The following BMPER variants were observed in gnomAD, a reference collection of about 807,000 sequenced individuals.
BMPER encodes the protein BMP binding endothelial regulator.
BMPER carries 45 observed loss-of-function variants against 87.3 expected under a neutral mutation model. The ratio of observed to expected loss-of-function variants is 0.52; its 90% CI spans 0.41 to 0.66. BMPER has a LOEUF of 0.66. BMPER is among the 30% of genes least tolerant of loss of function. BMPER has a pLI of 0.00. For missense variants in BMPER, 784 were observed against 867.5 expected (o/e 0.90, Z 1.21); for synonymous variants, 326 against 316.2 (o/e 1.03, Z -0.33).
chr7:34,076,833 C>A (rs533393360), intron 11 of BMPER, among the ~76,000 whole-genome samples: 1 of 152,256 alleles, frequency 6.6e-6, no homozygotes, highest in South Asian at 2.1e-4. Flanking sequence ...CTGCTCCCCA[C>A]TGAGAGAGGA....
At chr7:33,973,455 G>A (rs943710089) in intron 5 of BMPER, among the ~76,000 whole-genome samples, 21 of 152,192 alleles carry the variant, frequency 1.4e-4, no homozygotes, top group Admixed American at 8.5e-4. Flanking sequence ...TTAAACCACG[G>A]TTTCACTTGG....
At chr7:34,028,482 TA>T (rs1422173315) in intron 6 of BMPER, among the ~76,000 whole-genome samples, 2 of 151,472 alleles carry the variant, frequency 1.3e-5, no homozygotes, top group African/African-American at 4.8e-5. Context: ...TTTAAGAGAG[TA>T]AAGGGATCCT....
chr7:34,085,658 GAC>G (rs1417412715), intron 12 of BMPER, 96 bp from the exon 13 acceptor site: 7 of 1,163,824 alleles, frequency 6.0e-6, no homozygotes, highest in Non-Finnish European at 8.8e-6. Flanking sequence ...CTTATTGGAG[GAC>G]AGTCAGTCAT....
At chr7:34,026,457 C>A (rs778265969) in intron 6 of BMPER, among the ~76,000 whole-genome samples, 1 of 152,056 alleles carries the variant, frequency 6.6e-6, no homozygotes, top group Admixed American at 6.6e-5. Context: ...GACCTCTAAG[C>A]AAGCAGCTGA....
chr7:33,988,627 A>T (rs111733019), intron 6 of BMPER, among the ~76,000 whole-genome samples: 46,365 of 151,678 alleles, frequency 0.31, 7,516 homozygotes, highest in African/African-American at 0.39. Context: ...TTATTTTTTT[A>T]ATTATACTTT....
At chr7:33,915,727 G>C (rs1005772466) in intron 2 of BMPER, among the ~76,000 whole-genome samples, 1 of 152,208 alleles carries the variant, frequency 6.6e-6, no homozygotes, top group Non-Finnish European at 1.5e-5. Flanking sequence ...TGTGAAAGCT[G>C]TTTGTGAACA....
At chr7:34,054,550 A>G (rs1247507563) in intron 8 of BMPER, among the ~76,000 whole-genome samples, 2 of 152,178 alleles carry the variant, frequency 1.3e-5, no homozygotes, top group Non-Finnish European at 2.9e-5. Flanking sequence ...CTTACAGATG[A>G]TACAAACTCT....
At chr7:34,088,164 A>G (rs1789274229) in intron 13 of BMPER, among the ~76,000 whole-genome samples, 1 of 152,192 alleles carries the variant, frequency 6.6e-6, no homozygotes, top group African/African-American at 2.4e-5. Context: ...TTTAGAGGCC[A>G]GGATGTGGTG....
At chr7:34,012,169 A>G (rs1786900896) in intron 6 of BMPER, among the ~76,000 whole-genome samples, 2 of 152,078 alleles carry the variant, frequency 1.3e-5, no homozygotes, top group South Asian at 4.1e-4. Flanking sequence ...GTAAGCTAAA[A>G]AGATAGCAGA....
intron 3 of BMPER, among the ~76,000 whole-genome samples, chr7:33,962,900 T>C (rs181844138): frequency 6.6e-6 from 1 of 152,346 alleles, no homozygotes; most frequent in East Asian, 1.9e-4. Context: ...TTTTATTTAA[T>C]TACTAGATCT....
chr7:34,049,889 G>C (rs1028640716), intron 7 of BMPER, among the ~76,000 whole-genome samples: 1 of 152,048 alleles, frequency 6.6e-6, no homozygotes, highest in African/African-American at 2.4e-5. Flanking sequence ...CATTTTTATA[G>C]TAAATACAAA....
rs373418606 is a variant in BMPER at position 33,945,087 on chromosome 7, G to A, written c.319+7699G>A. On this transcript the variant is annotated intron_variant, in intron 3 of 14. Coordinates refer to ENST00000649409, the MANE Select transcript of BMPER (RefSeq NM_001365308.1). ...CTCCTGAGTAGCAGGGACTACAGGC[G>A]CCTGCCAACACGCCCGGCTAATTTT... Among the ~76,000 whole-genome samples the A allele has an allele frequency of 9.8e-4, 149 of 151,916 alleles. 2 individuals are homozygous for A. In the East Asian group the frequency reaches 0.018, roughly 19 times the overall value.
At chr7:33,933,814 T>A (rs771810152) in intron 2 of BMPER, among the ~76,000 whole-genome samples, 1 of 152,188 alleles carries the variant, frequency 6.6e-6, no homozygotes, top group Non-Finnish European at 1.5e-5. Context: ...CCTGAATGCC[T>A]GGGAAGGCAT....
rs552099194 is a variant in BMPER, at chr7:34,072,073, C to T, written c.1079-6784C>T. Among the ~76,000 whole-genome samples, 74 of 152,282 alleles carry T rather than the reference C, an allele frequency of 4.9e-4. 1 individual carries two copies. The highest frequency in any genetic ancestry group is 4.8e-3 in the Admixed American group (74 of 15,300). On this transcript the variant is annotated intron_variant, in intron 11 of 14. Transcript: ENST00000649409. ...GTCTTACAACTATTGGCCGAGTAAC[C>T]ATGGGCAACAAGGCAACTTCTTCAA... is the stretch of plus-strand genomic sequence containing the variant.
At chr7:33,973,743 G>A (rs776423649) in intron 5 of BMPER, among the ~76,000 whole-genome samples, 38 of 152,178 alleles carry the variant, frequency 2.5e-4, no homozygotes, top group Admixed American at 9.2e-4. Context: ...TCCCAGCACC[G>A]TCTTCCATGG....
At chr7:33,964,273 A>G (rs1424784796) in intron 3 of BMPER, among the ~76,000 whole-genome samples, 1 of 152,160 alleles carries the variant, frequency 6.6e-6, no homozygotes, top group Non-Finnish European at 1.5e-5. Flanking sequence ...TAAGTAGTTG[A>G]TGGTAGTGAG....
rs184803372 is a variant in BMPER, at chr7:33,962,109, A to G, written c.320-4370A>G. On this transcript the variant is annotated intron_variant, in intron 3 of 14. Transcript: ENST00000649409. Reference sequence around the variant, plus strand: ...CAACAGAATGATGAAAATGTGTGGTATTCTTTCTCCCTTGGGATAATGTGG... The same window carrying G: ...CAACAGAATGATGAAAATGTGTGGTGTTCTTTCTCCCTTGGGATAATGTGG... Among the ~76,000 whole-genome samples, 30 of 152,330 alleles carry G rather than the reference A, an allele frequency of 2.0e-4. 1 individual carries two copies. In the East Asian group the frequency reaches 5.8e-3, roughly 29 times the overall value.
upstream of BMPER, chr7:33,905,151 A>C (rs1783773526): frequency 5.1e-6 from 1 of 197,754 alleles, no homozygotes; most frequent in South Asian, 9.0e-5. Flanking sequence ...GGAGGTGAGG[A>C]GTGCGGGAGT....
Position 33,966,509 on chromosome 7 carries a change from G to T in BMPER, c.350G>T (p.Ser117Ile), listed in dbSNP as rs763479289. 18 of 1,613,668 alleles carry T rather than the reference G, an allele frequency of 1.1e-5. No homozygotes were observed. Among genetic ancestry groups the T allele is most frequent in the Non-Finnish European group, 1.4e-5 (17 of 1,179,736 alleles). Residue 117 changes from serine (S) to isoleucine (I), a missense_variant, in exon 4 of 15, where the codon AGC (serine) becomes ATC (isoleucine). Coordinates refer to ENST00000649409, the MANE Select transcript of BMPER (RefSeq NM_001365308.1). Reference sequence around the variant, plus strand: ...ACCTATGAAGGAAATACCTATAACAGCTCCTTCAAATGGCAGAGCCCGGCT... The same window carrying T: ...ACCTATGAAGGAAATACCTATAACATCTCCTTCAAATGGCAGAGCCCGGCT... ...GCTYEGNTYN[S>I]SFKWQSPAEP...
Sources: gnomAD v4.1 joint callset for allele counts (sites outside exome capture counted in the v4.1 genomes callset) on GRCh38, gnomAD v4.1.1 for gene constraint, MANE v1.5 for transcripts, NCBI Gene and HGNC (gene_info 2026-07-23, HGNC 2026-07-21) for gene names.